The following BBX variants were observed in gnomAD, a reference collection of about 807,000 sequenced individuals.
The protein encoded by BBX is HMG box transcription factor BBX.
A neutral mutation model predicts 100.2 loss-of-function variants in BBX; 30 were observed. The observed-to-expected ratio is 0.30, with a 90% CI of 0.22 to 0.41. The LOEUF is 0.41. BBX is among the 10% of genes least tolerant of loss of function. The pLI is 1.00. For missense variants in BBX, 1,023 were observed against 1,129.8 expected (o/e 0.91, Z 1.35); for synonymous variants, 376 against 388.1 (o/e 0.97, Z 0.37).
At chr3:107,711,437 A>G (rs1457828670) in intron 4 of BBX, 1 of 411,118 alleles carries the variant, frequency 2.4e-6, no homozygotes, top group African/African-American at 2.1e-5. Flanking sequence ...TACGAATTTT[A>G]TAAACATGTT....
At chr3:107,690,877 T>C (rs1449180899) in intron 3 of BBX, among the ~76,000 whole-genome samples, 3 of 147,604 alleles carry the variant, frequency 2.0e-5, no homozygotes, top group South Asian at 4.4e-4. Flanking sequence ...TGTTCTCACT[T>C]TGATGCCCCC....
At chr3:107,638,444 AT>A (rs1272845014) in intron 2 of BBX, 2 of 152,184 alleles carry the variant, frequency 1.3e-5, no homozygotes, top group African/African-American at 4.8e-5. Context: ...AAAAAGGAGC[AT>A]ATTGACAGTT....
chr3:107,801,224 C>G lies in BBX; in HGVS notation c.2681C>G (p.Ser894Cys). 1 of 1,614,220 alleles carries G rather than the reference C, an allele frequency of 6.2e-7. No homozygotes were observed. Among genetic ancestry groups the G allele is most frequent in the South Asian group, 1.1e-5 (1 of 91,082 alleles). Reference sequence around the variant, plus strand: ...AGTACTCCAGAAATGCCTGCCGTGTCTGCGTTCTTTAGCCTCGCTGCGCTG... The same window carrying G: ...AGTACTCCAGAAATGCCTGCCGTGTGTGCGTTCTTTAGCCTCGCTGCGCTG... ...RSSTPEMPAVSAFFSLAALAE... is the reference protein window; with the variant it reads ...RSSTPEMPAVCAFFSLAALAE... Residue 894 changes from serine (S) to cysteine (C), a missense_variant, in exon 17 of 18, where the codon TCT becomes TGT. Transcript: ENST00000325805.
At chr3:107,682,633 A>T (rs987308291) in intron 3 of BBX, among the ~76,000 whole-genome samples, 4 of 152,160 alleles carry the variant, frequency 2.6e-5, no homozygotes, top group Admixed American at 1.3e-4. Flanking sequence ...ATAGAAATTT[A>T]AAGTTCATTC....
intron 3 of BBX, among the ~76,000 whole-genome samples, chr3:107,699,573 C>A (rs139136103): frequency 1.3e-5 from 2 of 151,898 alleles, no homozygotes; most frequent in African/African-American, 4.9e-5. Context: ...GACAGCTGAA[C>A]CAACCTTGTG....
chr3:107,525,109 G>A (rs1223367873), intron 1 of BBX, among the ~76,000 whole-genome samples: 1 of 149,476 alleles, frequency 6.7e-6, no homozygotes, highest in Admixed American at 6.6e-5. Context: ...CTCTGCTCGC[G>A]CGACTTTTGT....
At chr3:107,725,601 G>T (rs563007126) in intron 5 of BBX, among the ~76,000 whole-genome samples, 1 of 152,150 alleles carries the variant, frequency 6.6e-6, no homozygotes, top group South Asian at 2.1e-4. Flanking sequence ...AAATGCCCTT[G>T]TCAAATATTA....
chr3:107,530,228 C>T (rs529288096), intron 2 of BBX, among the ~76,000 whole-genome samples: 1 of 152,058 alleles, frequency 6.6e-6, no homozygotes, highest in Admixed American at 6.5e-5. Context: ...CTTGTCTTTA[C>T]TAAAAATACA....
At chr3:107,748,271 G>GA (rs779281978) in intron 9 of BBX, among the ~76,000 whole-genome samples, 1 of 152,118 alleles carries the variant, frequency 6.6e-6, no homozygotes, top group South Asian at 2.1e-4. Flanking sequence ...AGTTCATTCA[G>GA]AATACCAGTA....
intron 2 of BBX, among the ~76,000 whole-genome samples, chr3:107,553,306 T>C (rs533273404): frequency 6.6e-6 from 1 of 152,368 alleles, no homozygotes; most frequent in African/African-American, 2.4e-5. Context: ...TAGACATTAT[T>C]GTTTACCATT....
intron 2 of BBX, among the ~76,000 whole-genome samples, chr3:107,580,587 T>C (rs1164586380): frequency 6.6e-6 from 1 of 152,206 alleles, no homozygotes; most frequent in Non-Finnish European, 1.5e-5. Flanking sequence ...GTAGGTAAGT[T>C]ATCAGGGGAA....
intron 3 of BBX, among the ~76,000 whole-genome samples, chr3:107,701,124 A>G (rs958990904): frequency 2.6e-5 from 4 of 152,146 alleles, no homozygotes; most frequent in Admixed American, 2.6e-4. Context: ...CTTTTTAATG[A>G]TCACCATTCT....
At position 107,659,509 on chromosome 3, in the gene BBX, T is replaced by G. The variant is rs534161333; in HGVS notation, c.-10+13600T>G. ...TACACCTGTGTAACCCAAATACCTATCAAAATATAACCCATTACTTAGTAC... is the reference window on the plus strand; with the variant it reads ...TACACCTGTGTAACCCAAATACCTAGCAAAATATAACCCATTACTTAGTAC... On this transcript the variant is annotated intron_variant, in intron 3 of 17. Transcript: ENST00000325805. 2.2e-4 allele frequency: 47 copies of G among 209,580 alleles called. No homozygotes were observed. The Admixed American group carries it at 2.4e-3, about 11-fold the overall frequency. 13.0% of individuals were successfully genotyped at this position (209,580 alleles called of 1,614,324 possible).
At chr3:107,614,430 CA>C (rs1246756342) in intron 2 of BBX, among the ~76,000 whole-genome samples, 4 of 151,122 alleles carry the variant, frequency 2.6e-5, no homozygotes, top group Admixed American at 6.6e-5. Flanking sequence ...CCCACCCCCC[CA>C]AAAAAAATGG....
chr3:107,629,483 C>A (rs999530617), intron 2 of BBX, among the ~76,000 whole-genome samples: 1 of 152,142 alleles, frequency 6.6e-6, no homozygotes, highest in Non-Finnish European at 1.5e-5. Flanking sequence ...TGTGAAATAA[C>A]TGGGCAGCCT....
intron 10 of BBX, among the ~76,000 whole-genome samples, chr3:107,760,889 T>A (rs1016018734): frequency 6.6e-6 from 1 of 152,232 alleles, no homozygotes; most frequent in Non-Finnish European, 1.5e-5. Flanking sequence ...AAACTTCAAA[T>A]AAATATAGAT....
chr3:107,740,187 C>T (rs532441885), intron 7 of BBX, among the ~76,000 whole-genome samples: 7 of 152,100 alleles, frequency 4.6e-5, no homozygotes, highest in African/African-American at 1.7e-4. Flanking sequence ...GAGTGCAGTG[C>T]GTTAGTAACC....
In BBX at chr3:107,773,123, A is replaced by C; in HGVS notation, c.1402A>C (p.Thr468Pro). ...GGATCGACATGGAAATGATAAATCC[A>C]CACCCAAGAAGACTTGCAAAAAGAG... is the stretch of plus-strand genomic sequence containing the variant. The part of the protein sequence containing the change: ...KMDRHGNDKS[T>P]PKKTCKKRQS... Residue 468 changes from threonine (T) to proline (P), a missense_variant, in exon 11 of 18, where the codon ACA becomes CCA. Coordinates refer to ENST00000325805, the MANE Select transcript of BBX (RefSeq NM_001142568.3). The surrounding 1 kb of genome is among the most constrained non-coding windows in gnomAD (Gnocchi z 4.1). 6.2e-7 allele frequency: 1 copy of C among 1,614,072 alleles called. No homozygotes were observed. Among genetic ancestry groups the C allele is most frequent in the Non-Finnish European group, 8.5e-7 (1 of 1,179,992 alleles).
chr3:107,729,085 T>C lies in BBX; in HGVS notation c.601+125T>C, dbSNP rs936908629. ...CCAATATTAAGCAGTGGCAAAGATATAGCATATTTTCAAGCATTGGATCAT... is the reference window on the plus strand; with the variant it reads ...CCAATATTAAGCAGTGGCAAAGATACAGCATATTTTCAAGCATTGGATCAT... On this transcript the variant is annotated intron_variant, in intron 6 of 17. Coordinates refer to ENST00000325805, the MANE Select transcript of BBX (RefSeq NM_001142568.3). 4.2e-5 allele frequency: 40 copies of C among 948,380 alleles called. No individual in the cohort carries two copies. In the Admixed American group the frequency reaches 5.5e-4, roughly 13 times the overall value. The allele number at this position is 948,380 out of a possible 1,614,324, so 58.7% of individuals were successfully genotyped here. A position where few individuals can be genotyped will look rare whatever the true frequency, so the allele number is the denominator to read the frequency against.
Sources: allele counts gnomAD v4.1 joint callset (sites outside exome capture counted in the v4.1 genomes callset), GRCh38; gene constraint gnomAD v4.1.1; non-coding constraint Gnocchi (gnomAD v3.1); transcripts MANE v1.5; gene names NCBI Gene and HGNC (gene_info 2026-07-23, HGNC 2026-07-21).